Variants in CHST15 observed in about 807,000 individuals in gnomAD.
The protein encoded by CHST15 is B cell RAG associated protein (GALNAC4S-6ST).
CHST15 carries 30 observed loss-of-function variants against 53.6 expected under a neutral mutation model. That is an observed-to-expected ratio of 0.56 (90% CI 0.42 to 0.76). The LOEUF (loss-of-function observed/expected upper bound fraction) is 0.76. Ranked by LOEUF, CHST15 falls within the 30% of genes least tolerant of loss-of-function variation. The pLI is 0.00. For synonymous variants in CHST15, 296 were observed against 289.8 expected (o/e 1.02, Z -0.22); for missense variants, 627 against 740.5 (o/e 0.85, Z 1.78).
intron 4 of CHST15, among the ~76,000 whole-genome samples, chr10:124,041,276 T>C (rs1947726913): frequency 6.6e-6 from 1 of 152,212 alleles, no homozygotes; most frequent in Non-Finnish European, 1.5e-5. Context: ...AGATTGCAAA[T>C]ATAACAGATC....
At chr10:124,068,527 G>C (rs1948818201) in intron 1 of CHST15, among the ~76,000 whole-genome samples, 1 of 152,162 alleles carries the variant, frequency 6.6e-6, no homozygotes, top group East Asian at 1.9e-4. Context: ...TGTCCAGTCT[G>C]GTCTGTGTCA....
At chr10:124,081,411 T>C (rs1395168607) in intron 1 of CHST15, among the ~76,000 whole-genome samples, 1 of 152,002 alleles carries the variant, frequency 6.6e-6, no homozygotes, top group East Asian at 1.9e-4. Context: ...CACACACAAA[T>C]GCCCAGCATC....
At chr10:124,028,966 G>T (rs1947116570) in intron 5 of CHST15, among the ~76,000 whole-genome samples, 1 of 151,970 alleles carries the variant, frequency 6.6e-6, no homozygotes, top group Admixed American at 6.6e-5. Flanking sequence ...CCTCAGGCAG[G>T]AGGACCCGAG....
chr10:124,066,216 C>T (rs1256906262), intron 1 of CHST15, among the ~76,000 whole-genome samples: 1 of 152,118 alleles, frequency 6.6e-6, no homozygotes, highest in African/African-American at 2.4e-5. Flanking sequence ...CATTATTCCT[C>T]AAGTTACAGA....
intron 1 of CHST15, among the ~76,000 whole-genome samples, chr10:124,051,311 A>G (rs1248585174): frequency 6.6e-6 from 1 of 152,204 alleles, no homozygotes; most frequent in Non-Finnish European, 1.5e-5. Context: ...TTTACTATGT[A>G]TAACTATTAA....
Position 124,019,655 on chromosome 10 carries a change from C to A in CHST15, c.1347+1601G>T, listed in dbSNP as rs144198836. The A allele has an allele frequency of 9.3e-5, 47 of 505,172 alleles. No homozygotes were observed. The highest frequency in any genetic ancestry group is 6.6e-4 in the African/African-American group (32 of 48,222). 31.3% of individuals were successfully genotyped at this position (505,172 alleles called of 1,614,324 possible). On this transcript the variant is annotated intron_variant, in intron 6 of 7. Coordinates refer to ENST00000435907, the MANE Select transcript of CHST15 (RefSeq NM_001270764.2). This position sits in a 1 kb window ranked among gnomAD's most constrained non-coding sequence, Gnocchi z 4.6. Reference sequence around the variant, plus strand: ...AATTTACGTTAAACAAGTATGTGTGCTTTCTCGCGTTAGTCTTTTATTATA... The same window carrying A: ...AATTTACGTTAAACAAGTATGTGTGATTTCTCGCGTTAGTCTTTTATTATA...
chr10:124,015,070 G>A (rs961339197), intron 6 of CHST15, among the ~76,000 whole-genome samples: 1 of 152,064 alleles, frequency 6.6e-6, no homozygotes, highest in African/African-American at 2.4e-5. Context: ...TGCTCCAAAC[G>A]CCCCTCAATT....
intron 1 of CHST15, among the ~76,000 whole-genome samples, chr10:124,067,757 C>T (rs941954932): frequency 6.6e-6 from 1 of 152,134 alleles, no homozygotes; most frequent in Non-Finnish European, 1.5e-5. Context: ...GCTGGGATTA[C>T]AGGCGACCAC....
intron 3 of CHST15, among the ~76,000 whole-genome samples, chr10:124,044,209 G>GGCACAGAGCAGGGAATA: frequency 6.6e-6 from 1 of 150,604 alleles, no homozygotes; most frequent in Non-Finnish European, 1.5e-5. Context: ...AGCTGGGAGC[G>GGCACAGAGCAGGGAATA]GCACAGAGCA....
Position 124,044,641 on chromosome 10 carries a change from CAG to C in CHST15, c.823_824del (p.Leu275AlafsTer3). 1 of 1,600,160 alleles carries C rather than the reference CAG, an allele frequency of 6.2e-7. No individual in the cohort carries two copies. The highest frequency in any genetic ancestry group is 8.5e-7 in the Non-Finnish European group (1 of 1,172,154). On this transcript the variant is annotated frameshift_variant, in exon 3 of 8. Transcript: ENST00000435907. LOFTEE classifies it high-confidence loss of function. ...TGGCGGAGAACTTGACCTCAGGGTGCAGCCGCAGGCGGTCATAGAGGTCTGTG... is the reference window on the plus strand; with the variant it reads ...TGGCGGAGAACTTGACCTCAGGGTGCCCGCAGGCGGTCATAGAGGTCTGTG... ...GTTDLYDRLRLHPEVKFSAIK... is the reference protein window; with the variant it reads ...GTTDLYDRLRXHPEVKFSAIK...
intron 5 of CHST15, among the ~76,000 whole-genome samples, chr10:124,025,870 G>A (rs769690661): frequency 5.3e-5 from 8 of 152,182 alleles, no homozygotes; most frequent in Non-Finnish European, 1.2e-4. Context: ...ACCAAGAGCT[G>A]GGAGCAGGGG....
At chr10:124,077,491 G>A (rs1456159960) in intron 1 of CHST15, among the ~76,000 whole-genome samples, 1 of 152,060 alleles carries the variant, frequency 6.6e-6, no homozygotes, top group Admixed American at 6.6e-5. Flanking sequence ...AAATTTACGA[G>A]CCGAGGCTTA....
chr10:124,013,457 C>T (rs552992930), intron 6 of CHST15, among the ~76,000 whole-genome samples: 5 of 152,354 alleles, frequency 3.3e-5, no homozygotes, highest in African/African-American at 7.2e-5. Flanking sequence ...CTCAGAGCTC[C>T]GCATTTGGGC....
chr10:124,013,288 G>A lies in CHST15; in HGVS notation c.1348-808C>T, dbSNP rs183054844. Among the ~76,000 whole-genome samples the A allele has an allele frequency of 1.2e-3, 176 of 152,286 alleles. 1 individual carries two copies. The highest frequency in any genetic ancestry group is 0.01 in the Admixed American group (153 of 15,290). ...CATGGTATCAGTTCTGACTCTGGTAGGACTGGAGACTAAAGGTCAGCCACA... is the reference window on the plus strand; with the variant it reads ...CATGGTATCAGTTCTGACTCTGGTAAGACTGGAGACTAAAGGTCAGCCACA... On this transcript the variant is annotated intron_variant, in intron 6 of 7. Transcript: ENST00000435907.
chr10:124,054,325 A>T (rs1435688926), intron 1 of CHST15, among the ~76,000 whole-genome samples: 1 of 152,214 alleles, frequency 6.6e-6, no homozygotes, highest in East Asian at 1.9e-4. Context: ...AAACCCAGGC[A>T]GTTTTTTAAG....
intron 6 of CHST15, among the ~76,000 whole-genome samples, chr10:124,017,289 C>T (rs868450681): frequency 2.0e-4 from 30 of 152,314 alleles, no homozygotes; most frequent in Middle Eastern, 3.4e-3. Flanking sequence ...TTTTCCCAGT[C>T]CTTTTCAGGC....
In CHST15 at chr10:124,007,835, G is replaced by A; in HGVS notation, c.*2314C>T. ...GGTCACAACTTTTGAGAACAAAAAG[G>A]AACTTCAATACCATGTTGTGAGAAA... On this transcript the variant is annotated 3_prime_UTR_variant, in exon 8 of 8. Transcript: ENST00000435907. 8.1e-7 allele frequency: 1 copy of A among 1,232,078 alleles called. No individual in the cohort carries two copies. The highest frequency in any genetic ancestry group is 1.0e-6 in the Non-Finnish European group (1 of 987,952). The allele number at this position is 1,232,078 out of a possible 1,614,324, so 76.3% of individuals were successfully genotyped here.
intron 3 of CHST15, 93 bp downstream of exon 3, chr10:124,044,487 G>A (rs1947880843): frequency 6.6e-6 from 7 of 1,062,320 alleles, no homozygotes; most frequent in Admixed American, 3.5e-5. Context: ...TCTTTCTGCC[G>A]CCCTCGCCCC....
At chr10:124,073,233 T>C (rs1948975436) in intron 1 of CHST15, among the ~76,000 whole-genome samples, 1 of 152,078 alleles carries the variant, frequency 6.6e-6, no homozygotes, top group South Asian at 2.1e-4. Context: ...AACGGACAAA[T>C]ACAATTCAGC....
Sources: allele counts gnomAD v4.1 joint callset (sites outside exome capture counted in the v4.1 genomes callset), GRCh38; gene constraint gnomAD v4.1.1; non-coding constraint Gnocchi (gnomAD v3.1); transcripts MANE v1.5; gene names NCBI Gene and HGNC (gene_info 2026-07-23, HGNC 2026-07-21).